The following CTNND2 variants were observed in gnomAD, a reference collection of about 807,000 sequenced individuals.
CTNND2 encodes catenin delta-2.
Under a neutral mutation model 144.4 loss-of-function variants are expected in CTNND2, and 22 were observed. That is an observed-to-expected ratio of 0.15 (90% confidence interval 0.11 to 0.22). The LOEUF is 0.22. Ranked by LOEUF, CTNND2 falls within the 10% of genes least tolerant of loss-of-function variation. The pLI is 1.00. For missense variants in CTNND2, 1,353 were observed against 1,618.8 expected, an observed-to-expected ratio of 0.84 and a Z score of 2.82; for synonymous variants, 751 against 695.6, an observed-to-expected ratio of 1.08 and a Z score of -1.25.
intron 10 of CTNND2, among the ~76,000 whole-genome samples, chr5:11,214,458 C>G (rs545113501): frequency 6.6e-6 from 1 of 152,296 alleles, no homozygotes; most frequent in South Asian, 2.1e-4. Flanking sequence ...TGATTATACT[C>G]TCAGATTTCA....
At chr5:11,836,506 A>G (rs1794188018) in intron 1 of CTNND2, among the ~76,000 whole-genome samples, 1 of 151,812 alleles carries the variant, frequency 6.6e-6, no homozygotes, top group South Asian at 2.1e-4. Context: ...TTTTAAAATT[A>G]GATAATACCA....
intron 1 of CTNND2, among the ~76,000 whole-genome samples, chr5:11,768,267 A>AGTTTT (rs60666239): frequency 0.094 from 13,990 of 148,728 alleles, 889 homozygotes; most frequent in African/African-American, 0.17. Context: ...CCCACTCAGG[A>AGTTTT]GTTTTGTTTT....
intron 7 of CTNND2, among the ~76,000 whole-genome samples, chr5:11,372,894 G>A (rs529995959): frequency 1.2e-4 from 19 of 152,288 alleles, no homozygotes; most frequent in Admixed American, 7.8e-4. Context: ...TAGGAGCCCC[G>A]GAGACAGACC....
At chr5:11,096,860 A>C (rs2905997) in intron 15 of CTNND2, among the ~76,000 whole-genome samples, 54,412 of 151,926 alleles carry the variant, frequency 0.36, 9,899 homozygotes, top group African/African-American at 0.4. Context: ...GATTTGCCAC[A>C]ATCTAGATCT....
intron 18 of CTNND2, among the ~76,000 whole-genome samples, chr5:11,010,955 C>CAGAG (rs1370750106): frequency 6.6e-6 from 1 of 152,216 alleles, no homozygotes; most frequent in Admixed American, 6.5e-5. Context: ...TGTCTCTATT[C>CAGAG]AGAGAAATAT....
intron 7 of CTNND2, among the ~76,000 whole-genome samples, chr5:11,366,349 G>T (rs543876192): frequency 4.7e-4 from 72 of 152,286 alleles, no homozygotes; most frequent in Non-Finnish European, 6.2e-4. Context: ...TGGAGAAGTG[G>T]TGAGAATTCT....
intron 2 of CTNND2, among the ~76,000 whole-genome samples, chr5:11,690,841 A>G (rs10045573): frequency 0.078 from 11,786 of 151,296 alleles, 1,537 homozygotes; most frequent in African/African-American, 0.27. Context: ...TAATTATTAT[A>G]TAAAATACTG....
intron 5 of CTNND2, 105 bp downstream of exon 5, chr5:11,411,431 T>C: frequency 3.0e-6 from 2 of 677,746 alleles, no homozygotes; most frequent in Non-Finnish European, 2.6e-6. Flanking sequence ...AAAAATATCC[T>C]GAAATCCTCA....
chr5:11,303,679 T>G (rs1269920877), intron 9 of CTNND2, among the ~76,000 whole-genome samples: 1 of 152,154 alleles, frequency 6.6e-6, no homozygotes. Flanking sequence ...TTTGATTCCA[T>G]GAGGAGGAAG....
chr5:11,520,828 G>C (rs1475459468), intron 3 of CTNND2, among the ~76,000 whole-genome samples: 1 of 152,160 alleles, frequency 6.6e-6, no homozygotes, highest in Non-Finnish European at 1.5e-5. Flanking sequence ...CCAGAGCTTA[G>C]CACCTAGCAG....
intron 2 of CTNND2, among the ~76,000 whole-genome samples, chr5:11,699,386 C>G (rs767501629): frequency 2.6e-5 from 4 of 151,666 alleles, no homozygotes; most frequent in Non-Finnish European, 5.9e-5. Context: ...CCTGAGGATA[C>G]GATGAGGATG....
intron 1 of CTNND2, among the ~76,000 whole-genome samples, chr5:11,894,977 G>T (rs1737278988): frequency 1.3e-5 from 2 of 152,202 alleles, no homozygotes; most frequent in African/African-American, 4.8e-5. Context: ...CCAGTATGGG[G>T]TGGGGCTGGG....
intron 8 of CTNND2, among the ~76,000 whole-genome samples, chr5:11,350,176 C>T (rs1045659620): frequency 1.3e-5 from 2 of 152,108 alleles, no homozygotes; most frequent in Non-Finnish European, 2.9e-5. Context: ...ACTAAAGATA[C>T]AGAGAAGAGG....
chr5:10,975,009 G>A (rs1736274891), intron 21 of CTNND2, among the ~76,000 whole-genome samples: 1 of 152,166 alleles, frequency 6.6e-6, no homozygotes, highest in Admixed American at 6.5e-5. Flanking sequence ...CTGAATGAAT[G>A]AGGTTTCTGT....
At chr5:11,875,384 C>A (rs1480987531) in intron 1 of CTNND2, among the ~76,000 whole-genome samples, 2 of 152,102 alleles carry the variant, frequency 1.3e-5, no homozygotes, top group African/African-American at 2.4e-5. Context: ...AATATTCATA[C>A]CCTGGGAAAG....
At chr5:11,074,355 T>C (rs1748683623) in intron 16 of CTNND2, among the ~76,000 whole-genome samples, 1 of 152,178 alleles carries the variant, frequency 6.6e-6, no homozygotes, top group Admixed American at 6.5e-5. Flanking sequence ...GGGGGTGCAA[T>C]ATGATACTCT....
At chr5:11,587,904 G>A (rs1012115201) in intron 2 of CTNND2, among the ~76,000 whole-genome samples, 2 of 151,694 alleles carry the variant, frequency 1.3e-5, no homozygotes, top group African/African-American at 4.8e-5. Context: ...TCTTTAATCT[G>A]TTGGGTATCA....
At chr5:11,330,146 G>A (rs1439838172) in intron 9 of CTNND2, among the ~76,000 whole-genome samples, 1 of 151,878 alleles carries the variant, frequency 6.6e-6, no homozygotes, top group Non-Finnish European at 1.5e-5. Flanking sequence ...AATAGTGTAG[G>A]ATAATCAGAC....
intron 10 of CTNND2, among the ~76,000 whole-genome samples, chr5:11,221,383 T>G (rs934409658): frequency 7.9e-5 from 12 of 152,218 alleles, no homozygotes; most frequent in Non-Finnish European, 1.5e-4. Context: ...AGGGTTATTA[T>G]GCATTTGTAG....
Sources: allele counts gnomAD v4.1 joint callset (sites outside exome capture counted in the v4.1 genomes callset), GRCh38; gene constraint gnomAD v4.1.1; transcripts MANE v1.5; gene names NCBI Gene and HGNC (gene_info 2026-07-23, HGNC 2026-07-21).